Variants in CFAP298 observed in about 807,000 individuals in gnomAD.
CFAP298 encodes cilia and flagella associated protein 298, also known as cilia- and flagella-associated protein 298.
In CFAP298, 38 loss-of-function variants were observed where a neutral mutation model predicts 41.0. The ratio of observed to expected loss-of-function variants is 0.93; its 90% confidence interval spans 0.72 to 1.22. The LOEUF (loss-of-function observed/expected upper bound fraction) is 1.22, where lower values mean the gene tolerates loss of function less well. CFAP298 is among the 50% of genes most tolerant of loss of function. The pLI is 0.00. For missense variants in CFAP298, 348 were observed against 360.3 expected (o/e 0.97, Z 0.28); for synonymous variants, 137 against 135.3 (o/e 1.01, Z -0.09).
In CFAP298 at chr21:32,600,724, T is replaced by C. The variant is rs1162661227; in HGVS notation, c.*1139A>G. 6.6e-6 allele frequency among the ~76,000 whole-genome samples: 1 copy of C among 152,180 alleles called. No individual in the cohort carries two copies. Among genetic ancestry groups the C allele is most frequent in the Admixed American group, 6.5e-5 (1 of 15,280 alleles). On this transcript the variant is annotated 3_prime_UTR_variant, in exon 7 of 7. Coordinates refer to ENST00000290155, the MANE Select transcript of CFAP298 (RefSeq NM_021254.4). ...GTTAGGATGATAGTGATCCCATCCATCCCGTGGTTGGTCACTGAGCTGCGT... is the reference window on the plus strand; with the variant it reads ...GTTAGGATGATAGTGATCCCATCCACCCCGTGGTTGGTCACTGAGCTGCGT...
Position 32,612,312 on chromosome 21 carries a change from G to C in CFAP298, c.-69C>G. The C allele has an allele frequency of 1.4e-6, 2 of 1,480,706 alleles. No individual in the cohort carries two copies. Among genetic ancestry groups the C allele is most frequent in the Non-Finnish European group, 1.8e-6 (2 of 1,115,252 alleles). The allele number at this position is 1,480,706 out of a possible 1,614,324, so 91.7% of individuals were successfully genotyped here. A position where few individuals can be genotyped will look rare whatever the true frequency, so the allele number is the denominator to read the frequency against. Reference sequence around the variant, plus strand: ...GCGTGGCCCGCGGGTCCTGCCGGCCGAGGGTCGCCGGATCGCCAGCAGCTG... The same window carrying C: ...GCGTGGCCCGCGGGTCCTGCCGGCCCAGGGTCGCCGGATCGCCAGCAGCTG... On this transcript the variant is annotated 5_prime_UTR_variant, in exon 1 of 7. Coordinates refer to ENST00000290155, the MANE Select transcript of CFAP298 (RefSeq NM_021254.4).
chr21:32,607,763 A>T, intron 2 of CFAP298, 47 bp from the exon 3 acceptor site: 16 of 1,180,776 alleles, frequency 1.4e-5, no homozygotes, highest in Non-Finnish European at 2.0e-5. Context: ...TCAAATACAA[A>T]GCCTCTTCTG....
intron 3 of CFAP298, among the ~76,000 whole-genome samples, chr21:32,605,630 C>T (rs1006282670): frequency 7.9e-5 from 12 of 152,262 alleles, no homozygotes; most frequent in South Asian, 4.1e-4. Context: ...GTTGATGTGC[C>T]GGGTGACACA....
At chr21:32,606,930 A>C (rs921224935) in intron 3 of CFAP298, among the ~76,000 whole-genome samples, 1 of 151,598 alleles carries the variant, frequency 6.6e-6, no homozygotes, top group African/African-American at 2.4e-5. Context: ...AAAATGCTGA[A>C]GACAATTACA....
intron 6 of CFAP298, 29 bp from the exon 7 acceptor site, chr21:32,602,002 G>A (rs1363449391): frequency 4.4e-6 from 6 of 1,368,360 alleles, no homozygotes; most frequent in Admixed American, 1.7e-5. Flanking sequence ...TATTCAGGCA[G>A]GCATTTCAGG....
At chr21:32,611,879 GA>G (rs1227305288) in intron 1 of CFAP298, among the ~76,000 whole-genome samples, 7 of 152,042 alleles carry the variant, frequency 4.6e-5, no homozygotes, top group African/African-American at 1.7e-4. Context: ...TCCTGGCTCC[GA>G]GAGGCACCTG....
Position 32,612,091 on chromosome 21 carries a change from C to T in CFAP298, c.139+14G>A. 2 of 1,544,898 alleles carry T rather than the reference C, an allele frequency of 1.3e-6. No homozygotes were observed. Among genetic ancestry groups the T allele is most frequent in the South Asian group, 1.2e-5 (1 of 83,216 alleles). ...TCTCGATCTGTCCGGGATGGGCCCACCCGCGAGCCGCACCTGAGCAGAGGC... is the reference window on the plus strand; with the variant it reads ...TCTCGATCTGTCCGGGATGGGCCCATCCGCGAGCCGCACCTGAGCAGAGGC... On this transcript the variant is annotated intron_variant, in intron 1 of 6. Transcript: ENST00000290155.
chr21:32,609,141 T>G (rs1469255106), intron 2 of CFAP298, among the ~76,000 whole-genome samples: 1 of 152,212 alleles, frequency 6.6e-6, no homozygotes, highest in Non-Finnish European at 1.5e-5. Context: ...CTGACATGCT[T>G]TCCCTTTCCT....
chr21:32,610,532 C>T (rs1358219763), intron 1 of CFAP298, among the ~76,000 whole-genome samples: 3 of 152,182 alleles, frequency 2.0e-5, no homozygotes, highest in African/African-American at 7.2e-5. Flanking sequence ...AGGCTGAGCA[C>T]TGGTGCAGAA....
At chr21:32,602,503 A>G (rs1031083532) in intron 5 of CFAP298, 136 bp from the exon 6 acceptor site, 7 of 1,446,974 alleles carry the variant, frequency 4.8e-6, no homozygotes, top group Non-Finnish European at 5.4e-6. Context: ...GATCACCCGA[A>G]GTGAAGCATC....
rs1223218309 is a variant in CFAP298 at position 32,601,206 on chromosome 21, G to A, written c.*657C>T. Among the ~76,000 whole-genome samples the A allele has an allele frequency of 1.3e-5, 2 of 151,780 alleles. No homozygotes were observed. The highest frequency in any genetic ancestry group is 3.9e-4 in the East Asian group (2 of 5,180). On this transcript the variant is annotated 3_prime_UTR_variant, in exon 7 of 7. Coordinates refer to ENST00000290155, the MANE Select transcript of CFAP298 (RefSeq NM_021254.4). ...CTGGCGGCATCTAGTGGTCACTAGTGGTCACTGCCAGTCATCAGCTTTCCT... is the reference window on the plus strand; with the variant it reads ...CTGGCGGCATCTAGTGGTCACTAGTAGTCACTGCCAGTCATCAGCTTTCCT...
chr21:32,607,709 A>C lies in CFAP298; in HGVS notation c.315T>G (p.Asn105Lys), dbSNP rs775624139. 2.3e-5 allele frequency: 36 copies of C among 1,588,278 alleles called. No individual in the cohort carries two copies. The highest frequency in any genetic ancestry group is 3.0e-5 in the Non-Finnish European group (35 of 1,160,938). The change falls in exon 3 of 7, where the codon AAT (asparagine) becomes AAG (lysine). Residue 105 changes from asparagine (N) to lysine (K), a missense_variant. Physicochemically the swap from Asn to Lys is moderately conservative, Grantham distance 94. Transcript: ENST00000290155. ...TCTTTAACACTTGCTTCATCTTCTCATTTGGAGCTATAAAAATAAAAAGGA... is the reference window on the plus strand; with the variant it reads ...TCTTTAACACTTGCTTCATCTTCTCCTTTGGAGCTATAAAAATAAAAAGGA... ...DIGRRNGQAP[N>K]EKMKQVLKKT...
chr21:32,609,012 C>T (rs528631593), intron 2 of CFAP298, among the ~76,000 whole-genome samples: 2 of 152,284 alleles, frequency 1.3e-5, no homozygotes, highest in African/African-American at 4.8e-5. Flanking sequence ...AAAGGATTAT[C>T]ATCAATTCCA....
intron 3 of CFAP298, among the ~76,000 whole-genome samples, chr21:32,605,639 C>A (rs1181482264): frequency 6.6e-6 from 1 of 152,176 alleles, no homozygotes. Context: ...CCGGGTGACA[C>A]ACATCAGTGG....
chr21:32,607,750 C>A, intron 2 of CFAP298, 34 bp from the exon 3 acceptor site: 1 of 1,314,766 alleles, frequency 7.6e-7, no homozygotes, highest in Non-Finnish European at 1.1e-6. Flanking sequence ...GGAGAAAGAG[C>A]TGTCAAATAC....
rs757162499 is a variant in CFAP298, at chr21:32,610,984, G to A, written c.140-979C>T. 2.0e-5 allele frequency among the ~76,000 whole-genome samples: 3 copies of A among 152,000 alleles called. No individual in the cohort carries two copies. The South Asian group carries it at 6.2e-4, about 32-fold the overall frequency. On this transcript the variant is annotated intron_variant, in intron 1 of 6. Coordinates refer to ENST00000290155, the MANE Select transcript of CFAP298 (RefSeq NM_021254.4). ...ATGCTGTCTAATGCGGCAGCTACTCGCTCCACTTGGCGATTTAAATTTATT... is the reference window on the plus strand; with the variant it reads ...ATGCTGTCTAATGCGGCAGCTACTCACTCCACTTGGCGATTTAAATTTATT...
At chr21:32,602,165 C>T (rs1472856824) in intron 6 of CFAP298, 107 bp downstream of exon 6, 2 of 1,136,790 alleles carry the variant, frequency 1.8e-6, no homozygotes, top group East Asian at 4.7e-5. Flanking sequence ...TAGAAAGACC[C>T]CTCCCCGGCA....
At chr21:32,609,784 T>G in intron 2 of CFAP298, 54 bp downstream of exon 2, 1 of 1,513,394 alleles carries the variant, frequency 6.6e-7, no homozygotes, top group Non-Finnish European at 8.9e-7. Flanking sequence ...AAGGAACTGT[T>G]TTCATACTTA....
intron 1 of CFAP298, among the ~76,000 whole-genome samples, chr21:32,611,725 T>G (rs1340802548): frequency 6.6e-6 from 1 of 152,080 alleles, no homozygotes; most frequent in Admixed American, 6.6e-5. Context: ...CGACTAAAAA[T>G]AGTAAATTCA....
Sources: allele counts gnomAD v4.1 joint callset (sites outside exome capture counted in the v4.1 genomes callset), GRCh38; gene constraint gnomAD v4.1.1; transcripts MANE v1.5; gene names NCBI Gene and HGNC (gene_info 2026-07-23, HGNC 2026-07-21).